NAA25: variants seen among roughly 807,000 people sequenced by gnomAD.
NAA25 encodes N-terminal acetyltransferase B complex subunit NAA25.
Under a neutral mutation model 132.5 loss-of-function variants are expected in NAA25, and 30 were observed. That is an observed-to-expected ratio of 0.23 (90% CI 0.17 to 0.31). The LOEUF is 0.31. Ranked by LOEUF, NAA25 falls within the 10% of genes least tolerant of loss-of-function variation. The probability of loss-of-function intolerance (pLI) is 1.00; values close to 1 mark genes in which losing one functional copy is unlikely to be tolerated. For missense variants in NAA25, 771 were observed against 1,150.4 expected (o/e 0.67, Z 4.77); for synonymous variants, 359 against 401.9 (o/e 0.89, Z 1.28).
chr12:112,030,533 T>C (rs796660181), intron 23 of NAA25, among the ~76,000 whole-genome samples: 5 of 152,290 alleles, frequency 3.3e-5, no homozygotes, highest in African/African-American at 1.2e-4. Flanking sequence ...CAACTATATA[T>C]TCTTCAATAT....
At chr12:112,072,740 A>T (rs2078833050) in intron 9 of NAA25, among the ~76,000 whole-genome samples, 1 of 151,896 alleles carries the variant, frequency 6.6e-6, no homozygotes, top group African/African-American at 2.4e-5. Context: ...TGAGTTTGAG[A>T]CCAGCCTAGG....
intron 17 of NAA25, among the ~76,000 whole-genome samples, chr12:112,044,557 C>G (rs1238658040): frequency 2.0e-5 from 3 of 151,852 alleles, no homozygotes. Context: ...GTAGTCCCAG[C>G]TACTCAGGAG....
intron 15 of NAA25, among the ~76,000 whole-genome samples, chr12:112,050,504 C>A (rs1034369680): frequency 3.3e-5 from 5 of 150,824 alleles, no homozygotes; most frequent in South Asian, 2.1e-4. Context: ...ATTATATTTT[C>A]TTTTATTTAC....
intron 7 of NAA25, 37 bp downstream of exon 7, chr12:112,078,151 A>G (rs748230329): frequency 8.2e-6 from 4 of 487,914 alleles, no homozygotes; most frequent in South Asian, 9.4e-5. Context: ...TTTAAATAGG[A>G]AAAAAAAAAA....
intron 1 of NAA25, chr12:112,097,092 T>G (rs949394730): frequency 1.3e-5 from 2 of 152,204 alleles, no homozygotes; most frequent in African/African-American, 4.8e-5. Flanking sequence ...ACCATGTAAC[T>G]GCAGCCCACC....
At chr12:112,068,115 T>G (rs1421552373) in intron 11 of NAA25, among the ~76,000 whole-genome samples, 1 of 152,096 alleles carries the variant, frequency 6.6e-6, no homozygotes, top group Non-Finnish European at 1.5e-5. Flanking sequence ...TACAGCTCAC[T>G]GCAGCCTCGA....
intron 19 of NAA25, among the ~76,000 whole-genome samples, chr12:112,042,642 G>C (rs982679363): frequency 3.9e-5 from 6 of 152,036 alleles, no homozygotes; most frequent in African/African-American, 1.4e-4. Flanking sequence ...GAGTAGATAA[G>C]ACTACAGGCG....
intron 8 of NAA25, 86 bp from the exon 9 acceptor site, chr12:112,074,850 G>T (rs1228272187): frequency 3.2e-6 from 3 of 943,418 alleles, no homozygotes; most frequent in Admixed American, 4.5e-5. Flanking sequence ...AATTTATTTT[G>T]TAAGTTATAT....
In NAA25 at chr12:112,071,873, A is replaced by C. The variant is rs11066147; in HGVS notation, c.1036+22T>G. On this transcript the variant is annotated intron_variant, in intron 10 of 23. Coordinates refer to ENST00000261745, the MANE Select transcript of NAA25 (RefSeq NM_024953.4). ...GGTATTAAGGGCATTCTCCAGGCTTACCAGATATCATGGTTTCTTACCCAG... is the reference window on the plus strand; with the variant it reads ...GGTATTAAGGGCATTCTCCAGGCTTCCCAGATATCATGGTTTCTTACCCAG... 0.039 allele frequency: 61,373 copies of C among 1,591,774 alleles called. 11,450 individuals are homozygous for C. The East Asian group carries it at 0.64, about 17-fold the overall frequency.
intron 10 of NAA25, 82 bp downstream of exon 10, chr12:112,071,813 C>T: frequency 2.7e-6 from 3 of 1,098,030 alleles, no homozygotes; most frequent in Non-Finnish European, 3.9e-6. Context: ...ATGACTCTGT[C>T]CAGTGTAGAT....
Position 112,043,226 on chromosome 12 carries a change from G to A in NAA25, c.2251-15C>T. On this transcript the variant is annotated splice_polypyrimidine_tract_variant and intron_variant, in intron 18 of 23. Coordinates refer to ENST00000261745, the MANE Select transcript of NAA25 (RefSeq NM_024953.4). ...AGGAAAGGATACTGGAAAAAAGGGA[G>A]AAAAATAATGCTCTTTTAAATCCAT... is the stretch of plus-strand genomic sequence containing the variant. The A allele has an allele frequency of 1.9e-6, 3 of 1,566,692 alleles. No individual in the cohort carries two copies. Among genetic ancestry groups the A allele is most frequent in the African/African-American group, 2.7e-5 (2 of 72,752 alleles).
intron 1 of NAA25, among the ~76,000 whole-genome samples, chr12:112,100,651 G>C (rs1359093764): frequency 2.1e-5 from 2 of 97,454 alleles, no homozygotes; most frequent in African/African-American, 8.2e-5. Flanking sequence ...ATGGAGTCTT[G>C]CTCTGTTGCC....
intron 1 of NAA25, among the ~76,000 whole-genome samples, chr12:112,105,997 T>C (rs981595144): frequency 5.9e-5 from 9 of 152,224 alleles, no homozygotes; most frequent in African/African-American, 1.9e-4. Context: ...CAAGGAACCA[T>C]GGTTGTTTGG....
intron 13 of NAA25, among the ~76,000 whole-genome samples, chr12:112,056,791 T>C (rs2078552607): frequency 6.6e-6 from 1 of 152,218 alleles, no homozygotes; most frequent in Non-Finnish European, 1.5e-5. Context: ...TGCAAATGAT[T>C]CCCATGTATT....
chr12:112,079,326 G>A (rs990337499), intron 5 of NAA25, among the ~76,000 whole-genome samples: 1 of 152,188 alleles, frequency 6.6e-6, no homozygotes, highest in African/African-American at 2.4e-5. Context: ...GCTCATGACT[G>A]TAAACTTAAC....
chr12:112,097,909 G>A (rs1375002648), intron 1 of NAA25, among the ~76,000 whole-genome samples: 1 of 151,900 alleles, frequency 6.6e-6, no homozygotes, highest in African/African-American at 2.4e-5. Flanking sequence ...CTTGAGGTCA[G>A]GAGTTCAAGA....
chr12:112,045,522 C>T (rs539022929), intron 17 of NAA25, among the ~76,000 whole-genome samples: 2 of 149,892 alleles, frequency 1.3e-5, no homozygotes, highest in South Asian at 2.1e-4. Context: ...GGGCTGGTTG[C>T]GATAGCTCAC....
chr12:112,035,118 C>T (rs1286726797), intron 22 of NAA25: 2 of 152,136 alleles, frequency 1.3e-5, no homozygotes, highest in African/African-American at 4.8e-5. Flanking sequence ...TTATTACTGA[C>T]TGGTAAGTAT....
intron 17 of NAA25, 29 bp from the exon 18 acceptor site, chr12:112,043,897 A>G (rs1348783962): frequency 1.1e-5 from 18 of 1,597,048 alleles, no homozygotes; most frequent in Non-Finnish European, 1.5e-5. Context: ...CAAATTATCT[A>G]ACTTATTCAA....
Sources: gnomAD v4.1 joint callset for allele counts (sites outside exome capture counted in the v4.1 genomes callset) on GRCh38, gnomAD v4.1.1 for gene constraint, MANE v1.5 for transcripts, NCBI Gene and HGNC (gene_info 2026-07-23, HGNC 2026-07-21) for gene names.